The following RIPOR2 variants were observed in gnomAD, a reference collection of about 807,000 sequenced individuals.
RIPOR2 encodes rho family-interacting cell polarization regulator 2.
RIPOR2 carries 39 observed loss-of-function variants against 114.5 expected under a neutral mutation model. The ratio of observed to expected loss-of-function variants is 0.34; its 90% CI spans 0.26 to 0.44. The LOEUF (loss-of-function observed/expected upper bound fraction) is 0.44. Among genes scored for constraint, RIPOR2 ranks in the 20% least tolerant of loss-of-function variants. The probability of loss-of-function intolerance (pLI) is 1.00; values close to 1 mark genes in which losing one functional copy is unlikely to be tolerated. For missense variants in RIPOR2, 1,007 were observed against 1,255.1 expected (o/e 0.80, Z 2.99); for synonymous variants, 445 against 484.4 (o/e 0.92, Z 1.07).
chr6:25,025,052 C>T (rs765162214), intron 1 of RIPOR2, among the ~76,000 whole-genome samples: 1 of 152,144 alleles, frequency 6.6e-6, no homozygotes, highest in African/African-American at 2.4e-5. Context: ...CCCAGTTTAA[C>T]TTCAAATATT....
intron 1 of RIPOR2, among the ~76,000 whole-genome samples, chr6:24,894,565 T>C (rs1027568788): frequency 6.6e-6 from 1 of 152,224 alleles, no homozygotes; most frequent in Non-Finnish European, 1.5e-5. Context: ...GTTCTCAGAA[T>C]GCCTTGTGGC....
chr6:24,875,680 A>G lies in RIPOR2; in HGVS notation c.188+11T>C, dbSNP rs1338775442. ...AAGCTGCATCCCGGGAGAGAACCAC[A>G]CAGTACTTGCCTGGATCGCCTTTCC... On this transcript the variant is annotated intron_variant, in intron 2 of 21. Coordinates refer to ENST00000643898, the MANE Select transcript of RIPOR2 (RefSeq NM_001286445.3). 6.2e-7 allele frequency: 1 copy of G among 1,610,390 alleles called. No individual in the cohort carries two copies. Among genetic ancestry groups the G allele is most frequent in the Non-Finnish European group, 8.5e-7 (1 of 1,178,536 alleles).
chr6:24,947,180 C>T (rs1187742651), intron 1 of RIPOR2, among the ~76,000 whole-genome samples: 2 of 152,092 alleles, frequency 1.3e-5, no homozygotes, highest in Admixed American at 6.6e-5. Flanking sequence ...AGCCTTCCCT[C>T]CCGCAAATTC....
In RIPOR2 at chr6:24,931,683, T is replaced by A. The variant is rs115869748; in HGVS notation, c.61+4155A>T. 7.1e-3 allele frequency among the ~76,000 whole-genome samples: 1,086 copies of A among 152,332 alleles called. 9 individuals are homozygous for A. Among genetic ancestry groups the A allele is most frequent in the African/African-American group, 0.024 (1,012 of 41,574 alleles). ...TCTTCAAGCATAATCTTAAAAGGCA[T>A]GTAAGTGTCCAGGAAATACAAGAAC... On this transcript the variant is annotated intron_variant, in intron 1 of 21. Transcript: ENST00000643898.
In RIPOR2 at chr6:25,024,296, C is replaced by T. The variant is rs1776493886; in HGVS notation, c.76+17555G>A. The T allele has an allele frequency of 2.0e-6, 3 of 1,527,366 alleles. No homozygotes were observed. In the South Asian group the frequency reaches 3.4e-5, roughly 17 times the overall value. The allele number at this position is 1,527,366 out of a possible 1,614,324, so 94.6% of individuals were successfully genotyped here. A position where few individuals can be genotyped will look rare whatever the true frequency, so the allele number is the denominator to read the frequency against. On this transcript the variant is annotated intron_variant, in intron 1 of 13. Coordinates refer to the RIPOR2 transcript ENST00000510784. ...CTTCCACAAACTCCCTGATGACATC[C>T]TCAATGAACACCTTTTTGGCCCCAA...
chr6:24,967,670 G>A (rs17616490), intron 1 of RIPOR2, among the ~76,000 whole-genome samples: 2 of 152,130 alleles, frequency 1.3e-5, no homozygotes, highest in East Asian at 3.8e-4. Flanking sequence ...AGAAGTTACA[G>A]GATGAATTAA....
chr6:24,976,242 T>C (rs939670901), intron 1 of RIPOR2, among the ~76,000 whole-genome samples: 1 of 152,218 alleles, frequency 6.6e-6, no homozygotes, highest in Admixed American at 6.5e-5. Context: ...GACAGCCAAA[T>C]GTATGACAAT....
At chr6:24,999,595 C>T (rs374812724) in intron 1 of RIPOR2, among the ~76,000 whole-genome samples, 5 of 146,038 alleles carry the variant, frequency 3.4e-5, no homozygotes, top group African/African-American at 1.3e-4. Flanking sequence ...TCGCTCTGTT[C>T]CCCAGGTTGG....
chr6:24,873,569 T>C (rs1765418623), intron 3 of RIPOR2, 75 bp downstream of exon 3: 1 of 1,326,168 alleles, frequency 7.5e-7, no homozygotes, highest in Non-Finnish European at 1.1e-6. Flanking sequence ...ATCTGAAAAA[T>C]GATCTCATAA....
At chr6:24,835,943 G>C (rs1761073468) in intron 14 of RIPOR2, 72 bp from the exon 15 acceptor site, 1 of 1,445,118 alleles carries the variant, frequency 6.9e-7, no homozygotes, top group Non-Finnish European at 9.5e-7. Flanking sequence ...CACATGGTTT[G>C]CATCGGGCCC....
In RIPOR2 at chr6:24,812,310, T is replaced by A. The variant is rs1277260226; in HGVS notation, c.2953-2503A>T. ...CAGTCCCACCAACAGTGTAAAAGTG[T>A]TCCTATTTCTCCGCATCCTCTCCAG... is the stretch of plus-strand genomic sequence containing the variant. On this transcript the variant is annotated intron_variant, in intron 20 of 21. Transcript: ENST00000643898. 1.4e-4 allele frequency among the ~76,000 whole-genome samples: 7 copies of A among 48,758 alleles called. 2 individuals are homozygous for A. Among genetic ancestry groups the A allele is most frequent in the African/African-American group, 2.8e-4 (7 of 24,820 alleles). The allele number at this position is 48,758 out of a possible 152,430, so 32.0% of individuals were successfully genotyped here. A position where few individuals can be genotyped will look rare whatever the true frequency, so the allele number is the denominator to read the frequency against.
At chr6:24,963,876 T>C (rs966209967) in intron 1 of RIPOR2, among the ~76,000 whole-genome samples, 1 of 152,072 alleles carries the variant, frequency 6.6e-6, no homozygotes, top group Non-Finnish European at 1.5e-5. Flanking sequence ...TTTGAAATAA[T>C]TGTAGATTCA....
chr6:24,818,477 A>T, intron 20 of RIPOR2, 65 bp downstream of exon 20: 1 of 924,378 alleles, frequency 1.1e-6, no homozygotes, highest in Non-Finnish European at 1.6e-6. Context: ...AAAAGCTGTT[A>T]TATACACTCA....
chr6:24,849,992 A>G (rs1762703644), intron 10 of RIPOR2, 42 bp from the exon 11 acceptor site: 2 of 1,555,896 alleles, frequency 1.3e-6, no homozygotes, highest in African/African-American at 2.7e-5. Flanking sequence ...ACATCACAGC[A>G]GAGGAGAAAG....
chr6:24,883,631 TA>T lies in RIPOR2; in HGVS notation c.62-7815del, dbSNP rs1196679729. Among the ~76,000 whole-genome samples the T allele has an allele frequency of 6.6e-6, 1 of 152,146 alleles. No individual in the cohort carries two copies. The highest frequency in any genetic ancestry group is 2.4e-5 in the African/African-American group (1 of 41,500). ...TGAATTGTACATCAATAAAGCTGTTTAAAAAAAATCACTACCAATTTCTAGA... is the reference window on the plus strand; with the variant it reads ...TGAATTGTACATCAATAAAGCTGTTTAAAAAAATCACTACCAATTTCTAGA... On this transcript the variant is annotated intron_variant, in intron 1 of 21. Transcript: ENST00000643898. The surrounding 1 kb of genome is among the most constrained non-coding windows in gnomAD (Gnocchi z 4.1).
chr6:25,037,211 G>T lies in RIPOR2; in HGVS notation c.76+4640C>A, dbSNP rs893471651. 6.6e-6 allele frequency among the ~76,000 whole-genome samples: 1 copy of T among 152,192 alleles called. No homozygotes were observed. Among genetic ancestry groups the T allele is most frequent in the African/African-American group, 2.4e-5 (1 of 41,438 alleles). On this transcript the variant is annotated intron_variant, in intron 1 of 13. Transcript: ENST00000510784. The surrounding 1 kb of genome is among the most constrained non-coding windows in gnomAD (Gnocchi z 4.5). ...AGGGAGGTGGAATAAATTGCCCACA[G>T]GCCAACAGCTAAGAAGTTGTAGAAG...
chr6:24,857,055 A>G (rs1763541022), intron 8 of RIPOR2, among the ~76,000 whole-genome samples: 1 of 152,190 alleles, frequency 6.6e-6, no homozygotes, highest in South Asian at 2.1e-4. Flanking sequence ...CTCTGATTGT[A>G]GCAATAATGT....
chr6:24,925,049 C>T (rs1175327794), intron 1 of RIPOR2, among the ~76,000 whole-genome samples: 2 of 152,154 alleles, frequency 1.3e-5, no homozygotes, highest in Non-Finnish European at 2.9e-5. Flanking sequence ...AATTGAGATT[C>T]TAGGTTAGTG....
intron 1 of RIPOR2, among the ~76,000 whole-genome samples, chr6:24,973,189 C>T (rs1265843252): frequency 1.3e-5 from 2 of 152,144 alleles, no homozygotes; most frequent in East Asian, 3.9e-4. Context: ...AATGCTTATA[C>T]ACTGTTGGTG....
Sources: gnomAD v4.1 joint callset for allele counts (sites outside exome capture counted in the v4.1 genomes callset) on GRCh38, gnomAD v4.1.1 for gene constraint, Gnocchi (gnomAD v3.1) non-coding constraint, MANE v1.5 for transcripts, NCBI Gene and HGNC (gene_info 2026-07-23, HGNC 2026-07-21) for gene names.